Variants in SUPT3H observed in about 807,000 individuals in gnomAD.
SUPT3H encodes transcription initiation protein SPT3 homolog.
Under a neutral mutation model 44.3 loss-of-function variants are expected in SUPT3H, and 44 were observed. The ratio of observed to expected loss-of-function variants is 0.99; its 90% CI spans 0.78 to 1.28. The LOEUF is 1.28. Ranked by LOEUF, SUPT3H falls within the 50% of genes most tolerant of loss-of-function variation. The probability of loss-of-function intolerance (pLI) is 0.00; values close to 1 mark genes in which losing one functional copy is unlikely to be tolerated. For synonymous variants in SUPT3H, 124 were observed against 125.6 expected (o/e 0.99, Z 0.09); for missense variants, 380 against 387.1 (o/e 0.98, Z 0.15).
intron 2 of SUPT3H, among the ~76,000 whole-genome samples, chr6:45,279,901 C>T (rs1403621749): frequency 2.6e-5 from 4 of 152,038 alleles, no homozygotes; most frequent in Non-Finnish European, 4.4e-5. Context: ...TTTAACATAA[C>T]CAAAACTTAA....
At chr6:44,932,875 T>G in intron 9 of SUPT3H, 112 bp from the exon 10 acceptor site, 1 of 578,764 alleles carries the variant, frequency 1.7e-6, no homozygotes, top group Non-Finnish European at 2.8e-6. Context: ...TCCCTTAGGA[T>G]GCACATCACT....
chr6:45,290,938 G>C (rs1403067589), intron 2 of SUPT3H, among the ~76,000 whole-genome samples: 1 of 152,204 alleles, frequency 6.6e-6, no homozygotes, highest in Non-Finnish European at 1.5e-5. Flanking sequence ...CGGATGGACA[G>C]AGCAGCATGT....
intron 2 of SUPT3H, among the ~76,000 whole-genome samples, chr6:45,267,449 T>C (rs1055632832): frequency 9.9e-5 from 15 of 152,218 alleles, no homozygotes; most frequent in African/African-American, 3.6e-4. Flanking sequence ...TTGCAAGCCT[T>C]AAAATGATCC....
intron 2 of SUPT3H, chr6:45,328,313 G>T: frequency 1.5e-6 from 2 of 1,366,898 alleles, no homozygotes; most frequent in Non-Finnish European, 9.8e-7. Context: ...TGCTTTTTTG[G>T]ATTGTGTGAA....
intron 4 of SUPT3H, among the ~76,000 whole-genome samples, chr6:45,017,586 C>T (rs1216618356): frequency 6.6e-6 from 1 of 151,820 alleles, no homozygotes; most frequent in African/African-American, 2.4e-5. Context: ...TTCCCAGCAC[C>T]ATTTATTAAA....
intron 2 of SUPT3H, among the ~76,000 whole-genome samples, chr6:45,126,126 C>A (rs1435922503): frequency 6.6e-6 from 1 of 152,150 alleles, no homozygotes; most frequent in Non-Finnish European, 1.5e-5. Flanking sequence ...AGCACAGTAA[C>A]TGAAAACTTG....
At position 44,890,732 on chromosome 6, in the gene SUPT3H, C is replaced by T. The variant is rs535676401; in HGVS notation, c.912+41921G>A. On this transcript the variant is annotated intron_variant, in intron 10 of 10. Coordinates refer to ENST00000371459, the MANE Select transcript of SUPT3H (RefSeq NM_003599.4). ...ATGTAACTAACCTGCACATTGTGCA[C>T]ATGTACCCTAAAACTTAAAGTATAA... is the stretch of plus-strand genomic sequence containing the variant. Among the ~76,000 whole-genome samples, 290 of 149,636 alleles carry T rather than the reference C, an allele frequency of 1.9e-3. 1 individual carries two copies. The Middle Eastern group carries it at 0.032, about 16-fold the overall frequency.
chr6:44,882,974 G>A (rs1778500950), intron 10 of SUPT3H, among the ~76,000 whole-genome samples: 1 of 152,082 alleles, frequency 6.6e-6, no homozygotes, highest in African/African-American at 2.4e-5. Flanking sequence ...TAAAACCAGT[G>A]CAAGACAAGG....
intron 3 of SUPT3H, among the ~76,000 whole-genome samples, chr6:45,035,905 A>G (rs61699727): frequency 0.011 from 1,668 of 151,568 alleles, 43 homozygotes; most frequent in African/African-American, 0.038. Context: ...AAGAGAAAGA[A>G]AAAAAAAAGA....
intron 11 of SUPT3H, among the ~76,000 whole-genome samples, chr6:44,814,044 A>G (rs1032400934): frequency 6.6e-6 from 1 of 152,204 alleles, no homozygotes; most frequent in African/African-American, 2.4e-5. Context: ...TCATACTACA[A>G]CTGTTAAAGA....
At position 44,893,667 on chromosome 6, in the gene SUPT3H, T is replaced by C. The variant is rs1763669753; in HGVS notation, c.912+38986A>G. 3.3e-5 allele frequency among the ~76,000 whole-genome samples: 5 copies of C among 151,036 alleles called. No individual in the cohort carries two copies. The South Asian group carries it at 1.1e-3, about 32-fold the overall frequency. On this transcript the variant is annotated intron_variant, in intron 10 of 10. Transcript: ENST00000371459. ...TCCAAGTCTTTGCTATTGTGAATAA[T>C]GCCGCAATAAACATATGTGTGCATG...
At chr6:45,369,359 T>C (rs2150300238) in intron 1 of SUPT3H, among the ~76,000 whole-genome samples, 1 of 152,310 alleles carries the variant, frequency 6.6e-6, no homozygotes, top group South Asian at 2.1e-4. Flanking sequence ...CCTTCCCAGA[T>C]ATGTAAACAA....
chr6:44,860,110 G>A (rs996506042), intron 10 of SUPT3H, among the ~76,000 whole-genome samples: 2 of 152,098 alleles, frequency 1.3e-5, no homozygotes, highest in African/African-American at 4.8e-5. Flanking sequence ...TGCTAAGTGG[G>A]CTGTCCCAAG....
At chr6:45,135,660 CCA>C (rs147194415) in intron 2 of SUPT3H, among the ~76,000 whole-genome samples, 3,643 of 152,244 alleles carry the variant, frequency 0.024, 165 homozygotes, top group African/African-American at 0.082. Flanking sequence ...ATAAAAGAAA[CCA>C]CAGTTTTTGC....
At chr6:45,007,245 A>G (rs1782843084) in intron 5 of SUPT3H, among the ~76,000 whole-genome samples, 1 of 152,094 alleles carries the variant, frequency 6.6e-6, no homozygotes, top group Non-Finnish European at 1.5e-5. Context: ...ATGTTTAGAG[A>G]TCAAGAATTT....
chr6:44,960,463 A>C (rs1403445881), intron 7 of SUPT3H, among the ~76,000 whole-genome samples: 1 of 146,928 alleles, frequency 6.8e-6, no homozygotes, highest in East Asian at 2.1e-4. Flanking sequence ...AACAAACAAA[A>C]ACAAACAAAC....
intron 9 of SUPT3H, among the ~76,000 whole-genome samples, chr6:44,933,099 T>TA (rs34743141): frequency 0.011 from 1,662 of 151,878 alleles, 42 homozygotes; most frequent in African/African-American, 0.038. Flanking sequence ...GTTATTTTTT[T>TA]AAAAAAAACA....
chr6:45,121,210 C>A (rs184042155), intron 2 of SUPT3H, among the ~76,000 whole-genome samples: 2 of 152,168 alleles, frequency 1.3e-5, no homozygotes, highest in African/African-American at 4.8e-5. Context: ...ACCTCTAGAT[C>A]CTATAGGAGT....
intron 2 of SUPT3H, among the ~76,000 whole-genome samples, chr6:45,208,981 C>T (rs1763658320): frequency 1.3e-5 from 2 of 152,122 alleles, no homozygotes; most frequent in Non-Finnish European, 2.9e-5. Context: ...AAGAATTATA[C>T]TAAATGTACT....
Sources: gnomAD v4.1 joint callset for allele counts (sites outside exome capture counted in the v4.1 genomes callset) on GRCh38, gnomAD v4.1.1 for gene constraint, MANE v1.5 for transcripts, NCBI Gene and HGNC (gene_info 2026-07-23, HGNC 2026-07-21) for gene names.